GTF2F2: variants seen among roughly 807,000 people sequenced by gnomAD.
GTF2F2 encodes the protein ATP-dependent helicase GTF2F2.
In GTF2F2, 23 loss-of-function variants were observed where a neutral mutation model predicts 42.2. That is an observed-to-expected ratio of 0.55 (90% CI 0.39 to 0.77). The LOEUF (loss-of-function observed/expected upper bound fraction) is 0.77, where lower values mean the gene tolerates loss of function less well. Ranked by LOEUF, GTF2F2 falls within the 30% of genes least tolerant of loss-of-function variation. The pLI is 0.00. For synonymous variants in GTF2F2, 105 were observed against 100.8 expected (o/e 1.04, Z -0.25); for missense variants, 261 against 287.2 (o/e 0.91, Z 0.66).
intron 4 of GTF2F2, among the ~76,000 whole-genome samples, chr13:45,197,077 A>C (rs1872932011): frequency 6.6e-6 from 1 of 151,768 alleles, no homozygotes; most frequent in East Asian, 1.9e-4. Flanking sequence ...CAAAGTTGAC[A>C]TGTGTGATTT....
chr13:45,130,980 C>T lies in GTF2F2; in HGVS notation c.67-5753C>T, dbSNP rs545114245. On this transcript the variant is annotated intron_variant, in intron 1 of 7. Coordinates refer to ENST00000340473, the MANE Select transcript of GTF2F2 (RefSeq NM_004128.3). ...GATTGAGAGTATACAGGGCTGGGCA[C>T]GGTGGCCTATGCCTGTAATCCCAGC... is the stretch of plus-strand genomic sequence containing the variant. Among the ~76,000 whole-genome samples, 6 of 152,180 alleles carry T rather than the reference C, an allele frequency of 3.9e-5. 1 individual carries two copies. The highest frequency in any genetic ancestry group is 3.9e-4 in the East Asian group (2 of 5,176).
intron 4 of GTF2F2, among the ~76,000 whole-genome samples, chr13:45,164,408 G>A (rs184076670): frequency 1.1e-3 from 172 of 152,244 alleles, no homozygotes; most frequent in Non-Finnish European, 1.4e-3. Context: ...AATAAAACAT[G>A]TCGATTTACT....
chr13:45,276,736 C>T (rs568314112), intron 7 of GTF2F2, among the ~76,000 whole-genome samples: 4 of 152,254 alleles, frequency 2.6e-5, no homozygotes, highest in East Asian at 3.9e-4. Flanking sequence ...CCACCGCGCC[C>T]GGCCTAATAC....
intron 1 of GTF2F2, among the ~76,000 whole-genome samples, chr13:45,125,511 G>A (rs1380623271): frequency 6.6e-6 from 1 of 152,024 alleles, no homozygotes; most frequent in East Asian, 1.9e-4. Context: ...GTAGAGACGG[G>A]GTTTCACTGT....
chr13:45,279,637 G>C (rs1437654148), intron 7 of GTF2F2, among the ~76,000 whole-genome samples: 3 of 152,130 alleles, frequency 2.0e-5, no homozygotes, highest in Admixed American at 2.0e-4. Flanking sequence ...GCCGGGCGCG[G>C]TGGCTCATGC....
At chr13:45,228,402 C>A (rs985181716) in intron 5 of GTF2F2, among the ~76,000 whole-genome samples, 5 of 148,754 alleles carry the variant, frequency 3.4e-5, no homozygotes, top group Non-Finnish European at 5.9e-5. Flanking sequence ...CATTTAGGTA[C>A]TAGTCTATCT....
chr13:45,227,289 A>G (rs919334942), intron 5 of GTF2F2, among the ~76,000 whole-genome samples: 1 of 152,234 alleles, frequency 6.6e-6, no homozygotes, highest in Admixed American at 6.5e-5. Context: ...ATATAGATAT[A>G]TATTTTCATA....
rs1270567504 is a variant in GTF2F2, at chr13:45,218,428, A to G, written c.386+10923A>G. ...TTTTGTTAAACAAGAAATTACTGCC[A>G]TCTGTCAGAAAATTGACACGATAAT... On this transcript the variant is annotated intron_variant, in intron 5 of 7. Coordinates refer to ENST00000340473, the MANE Select transcript of GTF2F2 (RefSeq NM_004128.3). Among the ~76,000 whole-genome samples, 4 of 152,232 alleles carry G rather than the reference A, an allele frequency of 2.6e-5. No homozygotes were observed. In the East Asian group the frequency reaches 7.7e-4, roughly 29 times the overall value.
intron 1 of GTF2F2, chr13:45,123,929 G>A: frequency 2.0e-6 from 1 of 502,318 alleles, no homozygotes; most frequent in Admixed American, 2.6e-5. Flanking sequence ...TGTGGTTGGG[G>A]ACTGAGTATG....
chr13:45,143,045 C>T (rs1870009240), intron 2 of GTF2F2, among the ~76,000 whole-genome samples: 1 of 152,070 alleles, frequency 6.6e-6, no homozygotes, highest in Admixed American at 6.5e-5. Flanking sequence ...TAAAGAGAGA[C>T]ATGGATGAAT....
At chr13:45,184,361 T>C (rs1017897386) in intron 4 of GTF2F2, among the ~76,000 whole-genome samples, 1 of 151,856 alleles carries the variant, frequency 6.6e-6, no homozygotes, top group African/African-American at 2.4e-5. Flanking sequence ...GTGGCGTTGA[T>C]TGGTGAAGTC....
chr13:45,242,007 G>A (rs1875337116), intron 5 of GTF2F2, among the ~76,000 whole-genome samples: 1 of 152,056 alleles, frequency 6.6e-6, no homozygotes, highest in Non-Finnish European at 1.5e-5. Flanking sequence ...TTAATTCCAA[G>A]CCCTAAAATT....
At chr13:45,280,103 A>G (rs1356997947) in intron 7 of GTF2F2, among the ~76,000 whole-genome samples, 2 of 152,252 alleles carry the variant, frequency 1.3e-5, no homozygotes, top group African/African-American at 4.8e-5. Context: ...TGAGGGGTCC[A>G]GATTTGAGGA....
chr13:45,136,688 T>C (rs772623280), intron 1 of GTF2F2, 45 bp from the exon 2 acceptor site: 1 of 964,282 alleles, frequency 1.0e-6, no homozygotes, highest in South Asian at 1.4e-5. Context: ...TTTGAAAAGA[T>C]GTTAGCATCT....
chr13:45,277,200 C>G (rs1877073670), intron 7 of GTF2F2, among the ~76,000 whole-genome samples: 1 of 152,154 alleles, frequency 6.6e-6, no homozygotes, highest in Non-Finnish European at 1.5e-5. Context: ...TTAGGCCATT[C>G]TTGCATTGCT....
chr13:45,160,651 A>T (rs193115370), intron 4 of GTF2F2, among the ~76,000 whole-genome samples: 1 of 152,230 alleles, frequency 6.6e-6, no homozygotes, highest in East Asian at 1.9e-4. Context: ...TTTTATCAGA[A>T]AAGTTTTTAA....
At chr13:45,178,873 C>A (rs543755311) in intron 4 of GTF2F2, among the ~76,000 whole-genome samples, 148 of 152,272 alleles carry the variant, frequency 9.7e-4, no homozygotes, top group African/African-American at 3.4e-3. Flanking sequence ...CATGCATCTG[C>A]ATTCAGCTGG....
At chr13:45,237,721 G>A (rs951916303) in intron 5 of GTF2F2, among the ~76,000 whole-genome samples, 5 of 152,278 alleles carry the variant, frequency 3.3e-5, no homozygotes, top group East Asian at 1.9e-4. Flanking sequence ...TTTACTCTAA[G>A]TATTATTTAA....
chr13:45,175,446 A>T (rs1871828258), intron 4 of GTF2F2, among the ~76,000 whole-genome samples: 1 of 152,042 alleles, frequency 6.6e-6, no homozygotes, highest in Non-Finnish European at 1.5e-5. Context: ...TTTCTCTTGG[A>T]TATACACCCA....
Sources: allele counts gnomAD v4.1 joint callset (sites outside exome capture counted in the v4.1 genomes callset), GRCh38; gene constraint gnomAD v4.1.1; transcripts MANE v1.5; gene names NCBI Gene and HGNC (gene_info 2026-07-23, HGNC 2026-07-21).